The following NTN5 variants were observed in gnomAD, a reference collection of about 807,000 sequenced individuals.
NTN5 encodes netrin-5.
A neutral mutation model predicts 38.7 loss-of-function variants in NTN5; 42 were observed. The ratio of observed to expected loss-of-function variants is 1.08; its 90% confidence interval spans 0.85 to 1.40. NTN5 has a LOEUF of 1.40. NTN5 is among the 40% of genes most tolerant of loss of function. NTN5 has a pLI of 0.00. For synonymous variants in NTN5, 329 were observed against 303.9 expected (o/e 1.08, Z -0.86); for missense variants, 658 against 716.5 (o/e 0.92, Z 0.93).
At chr19:48,669,743 C>T in intron 2 of NTN5, among the ~76,000 whole-genome samples, 1 of 126,184 alleles carries the variant, frequency 7.9e-6, no homozygotes, top group Non-Finnish European at 1.7e-5. Flanking sequence ...TCACCATCAC[C>T]ACCACCATCA....
chr19:48,663,244 T>TG, intron 6 of NTN5: 1 of 668,302 alleles, frequency 1.5e-6, no homozygotes, highest in Non-Finnish European at 2.8e-6. Context: ...CCGAAGAACA[T>TG]GGGGAAAGAG....
chr19:48,661,656 C>G lies in NTN5; in HGVS notation c.*21G>C, dbSNP rs766422739. ...GCTCCCAAATTACTTTGTTGGTGCT[C>G]GAGGCAGCCCCATCTCACGTCTAGT... On this transcript the variant is annotated 3_prime_UTR_variant, in exon 7 of 7. Transcript: ENST00000270235. 6 of 1,513,988 alleles carry G rather than the reference C, an allele frequency of 4.0e-6. No homozygotes were observed. Among genetic ancestry groups the G allele is most frequent in the South Asian group, 3.7e-5 (3 of 80,238 alleles). 93.8% of individuals were successfully genotyped at this position (1,513,988 alleles called of 1,614,324 possible). A position where few individuals can be genotyped will look rare whatever the true frequency, so the allele number is the denominator to read the frequency against.
At position 48,664,690 on chromosome 19, in the gene NTN5, C is replaced by A; in HGVS notation, c.709G>T (p.Gly237Cys). The A allele has an allele frequency of 3.7e-6, 6 of 1,608,918 alleles. No individual in the cohort carries two copies. The highest frequency in any genetic ancestry group is 2.5e-6 in the Non-Finnish European group (3 of 1,178,068). ...LFRLSGGRSGGVCERCRHHTA... is the reference protein window; with the variant it reads ...LFRLSGGRSGCVCERCRHHTA... ...TGGTGGCGGCACCGCTCACAAACACCCCCACTCCGGCCGCCCGACAGTCTG... is the reference window on the plus strand; with the variant it reads ...TGGTGGCGGCACCGCTCACAAACACACCCACTCCGGCCGCCCGACAGTCTG... The change falls in exon 3 of 7, where the codon GGT (glycine) becomes TGT (cysteine). Residue 237 changes from glycine to cysteine, a missense_variant. Transcript: ENST00000270235.
chr19:48,669,336 CCAT>C (rs1437025194), intron 2 of NTN5, among the ~76,000 whole-genome samples: 10 of 52,256 alleles, frequency 1.9e-4, no homozygotes, highest in Admixed American at 3.6e-4. Flanking sequence ...ACCACCACCA[CCAT>C]CACCACCACC....
Position 48,670,647 on chromosome 19 carries a change from C to G in NTN5, c.340G>C (p.Ala114Pro). The change falls in exon 2 of 7, where the codon GCC becomes CCC. Residue 114 changes from alanine to proline, a missense_variant. Coordinates refer to ENST00000270235, the MANE Select transcript of NTN5 (RefSeq NM_145807.4). ...LLWHRPAWPG[A>P]LGGPERVTFH... ...GTCACCCTTTCAGGGCCCCCTAAGG[C>G]CCCAGGCCAGGCGGGCCTGTGCCAC... is the stretch of plus-strand genomic sequence containing the variant. The G allele has an allele frequency of 1.2e-6, 2 of 1,604,650 alleles. No individual in the cohort carries two copies. The highest frequency in any genetic ancestry group is 1.7e-6 in the Non-Finnish European group (2 of 1,176,368).
Position 48,670,660 on chromosome 19 carries a change from G to C in NTN5, c.327C>G (p.Pro109=). 1 of 1,606,592 alleles carries C rather than the reference G, an allele frequency of 6.2e-7. No homozygotes were observed. The highest frequency in any genetic ancestry group is 8.5e-7 in the Non-Finnish European group (1 of 1,177,276). ...GGCCCCCTAAGGCCCCAGGCCAGGC[G>C]GGCCTGTGCCACAGCAGCCTCCAGG... ...GGPWRLLWHR[P]AWPGALGGPE... Residue 109 remains proline, a synonymous_variant, in exon 2 of 7, where the codon CCC becomes CCG. Transcript: ENST00000270235.
At chr19:48,668,091 G>T (rs1401470681) in intron 2 of NTN5, among the ~76,000 whole-genome samples, 2 of 152,134 alleles carry the variant, frequency 1.3e-5, no homozygotes, top group Admixed American at 1.3e-4. Context: ...GGTAGGGAAG[G>T]CCTGGTCTGG....
chr19:48,664,510 T>C (rs546925909), intron 3 of NTN5, 69 bp downstream of exon 3: 2 of 1,173,672 alleles, frequency 1.7e-6, no homozygotes, highest in South Asian at 1.8e-5. Context: ...CCCCAGCCCC[T>C]CCTCCCTCAG....
intron 2 of NTN5, among the ~76,000 whole-genome samples, chr19:48,669,213 CCACCACCACCACGACCAT>C (rs2031802338): frequency 2.3e-4 from 4 of 17,478 alleles, no homozygotes; most frequent in East Asian, 2.3e-3. Flanking sequence ...ACCATCACCA[CCACCACCACCACGACCAT>C]CATCACCACC....
rs1038732595 is a variant in NTN5 at position 48,661,858 on chromosome 19, A to G, written c.1289T>C (p.Leu430Pro). The G allele has an allele frequency of 7.5e-6, 10 of 1,341,812 alleles. No individual in the cohort carries two copies. The highest frequency in any genetic ancestry group is 9.5e-6 in the Non-Finnish European group (10 of 1,050,194). The allele number at this position is 1,341,812 out of a possible 1,614,324, so 83.1% of individuals were successfully genotyped here. The change falls in exon 7 of 7, where the codon CTG (leucine) becomes CCG (proline). Residue 430 changes from leucine (L) to proline (P), a missense_variant. Physicochemically the swap from Leu to Pro is moderately conservative, Grantham distance 98 (BLOSUM62 -3). Coordinates refer to ENST00000270235, the MANE Select transcript of NTN5 (RefSeq NM_145807.4). ...CLRLQPGTDY[L>P]LLGSAVGDPD... ...GTCGCCCACGGCGCTGCCCAGCAGC[A>G]GGTAGTCGGTGCCTGGCTGCAGGCG...
intron 2 of NTN5, among the ~76,000 whole-genome samples, chr19:48,669,676 TCACCACCATCACCAC>T (rs2031860596): frequency 1.3e-5 from 1 of 78,032 alleles, no homozygotes. Context: ...ATCACCATCA[TCACCACCATCACCAC>T]CACCATCATC....
At chr19:48,663,689 C>T (rs532907323) in intron 5 of NTN5, 72 bp downstream of exon 5, 1 of 1,538,920 alleles carries the variant, frequency 6.5e-7, no homozygotes, top group Non-Finnish European at 9.0e-7. Context: ...CATGTATCCC[C>T]ATCTGGGGAC....
intron 2 of NTN5, among the ~76,000 whole-genome samples, chr19:48,669,528 TCAC>T (rs1568452202): frequency 2.0e-4 from 4 of 20,166 alleles, no homozygotes; most frequent in South Asian, 3.2e-3. Context: ...ACCACCACCA[TCAC>T]CACCACCATC....
chr19:48,663,235 C>T (rs753774775), intron 6 of NTN5: 13 of 654,328 alleles, frequency 2.0e-5, no homozygotes, highest in East Asian at 3.0e-5. Flanking sequence ...CTCTGTAAGC[C>T]GAAGAACATG....
At position 48,671,008 on chromosome 19, in the gene NTN5, T is replaced by C. The variant is rs746285588; in HGVS notation, c.-20-2A>G. 2.7e-6 allele frequency: 4 copies of C among 1,494,636 alleles called. No homozygotes were observed. Among genetic ancestry groups the C allele is most frequent in the Non-Finnish European group, 3.6e-6 (4 of 1,122,114 alleles). 92.6% of individuals were successfully genotyped at this position (1,494,636 alleles called of 1,614,324 possible). ...GCATGGTCACAGCAGAGCCAGCACC[T>C]GGAGGGAAGAGAGGTGGCTGGGCTG... On this transcript the variant is annotated splice_acceptor_variant, in intron 1 of 6. Coordinates refer to ENST00000270235, the MANE Select transcript of NTN5 (RefSeq NM_145807.4). LOFTEE classifies it low-confidence loss of function (5UTR_SPLICE).
chr19:48,666,833 A>G (rs2031717025), intron 2 of NTN5, among the ~76,000 whole-genome samples: 1 of 151,216 alleles, frequency 6.6e-6, no homozygotes, highest in Non-Finnish European at 1.5e-5. Flanking sequence ...ACAGGCATGC[A>G]CCACCACACC....
Position 48,664,586 on chromosome 19 carries a change from G to C in NTN5, c.813C>G (p.Ala271=). The C allele has an allele frequency of 5.0e-6, 8 of 1,611,558 alleles. No homozygotes were observed. The highest frequency in any genetic ancestry group is 6.8e-6 in the Non-Finnish European group (8 of 1,178,882). The change falls in exon 3 of 7, where the codon GCC becomes GCG. Residue 271 remains alanine (A), a synonymous_variant. Transcript: ENST00000270235. The part of the protein sequence containing the change: ...DPSQPIFSRR[A]CRACQCHPIG... ...TCTGCAGGCCACACTCACCTCTGCA[G>C]GCCCTGCGGCTGAAGATAGGCTGGC...
At chr19:48,666,174 C>T (rs186612667) in intron 2 of NTN5, among the ~76,000 whole-genome samples, 212 of 152,230 alleles carry the variant, frequency 1.4e-3, no homozygotes, top group African/African-American at 4.8e-3. Context: ...GTACAGCTAG[C>T]GGGTAGTTGG....
chr19:48,662,007 C>T lies in NTN5; in HGVS notation c.1140G>A (p.Ala380=), dbSNP rs747259205. 3 of 1,488,412 alleles carry T rather than the reference C, an allele frequency of 2.0e-6. No homozygotes were observed. The highest frequency in any genetic ancestry group is 4.5e-5 in the Admixed American group (2 of 44,568). 92.2% of individuals were successfully genotyped at this position (1,488,412 alleles called of 1,614,324 possible). The stretch of plus-strand genomic sequence containing the variant: ...CGGCCAGCCGCTGCCATGCCGGGCC[C>T]GCCGCCTCGGACGCTAGCACCTGCG... ...LRAQVLASEA[A]GPAWQRLAVR... is the part of the protein sequence containing the mutation. Residue 380 remains alanine (A), a synonymous_variant, in exon 7 of 7, where the codon GCG becomes GCA. Transcript: ENST00000270235.
Sources: gnomAD v4.1 joint callset for allele counts (sites outside exome capture counted in the v4.1 genomes callset) on GRCh38, gnomAD v4.1.1 for gene constraint, MANE v1.5 for transcripts, NCBI Gene and HGNC (gene_info 2026-07-23, HGNC 2026-07-21) for gene names.